The following NAA10 variants were observed in gnomAD, a reference collection of about 807,000 sequenced individuals.
The protein encoded by NAA10 is N-alpha-acetyltransferase 10, NatA catalytic subunit.
Under a neutral mutation model 19.2 loss-of-function variants are expected in NAA10, and 6 were observed. The observed-to-expected ratio is 0.31, with a 90% confidence interval of 0.17 to 0.62. The LOEUF (loss-of-function observed/expected upper bound fraction) is 0.62. Among genes scored for constraint, NAA10 ranks in the 20% least tolerant of loss-of-function variants. The probability of loss-of-function intolerance (pLI) is 0.83; values close to 1 mark genes in which losing one functional copy is unlikely to be tolerated. For synonymous variants in NAA10, 97 were observed against 79.9 expected, an observed-to-expected ratio of 1.21 and a Z score of -1.14; for missense variants, 101 against 198.4, an observed-to-expected ratio of 0.51 and a Z score of 2.95.
intron 6 of NAA10, chrX:153,931,252 G>GGT: frequency 1.1e-6 from 1 of 911,224 alleles, no homozygotes; most frequent in African/African-American, 2.1e-5. Flanking sequence ...ACACTGGGCA[G>GGT]GTGTGTGTGC....
At chrX:153,933,910 G>A (rs1557107832) in intron 3 of NAA10, 33 bp downstream of exon 3, 5 of 1,169,786 alleles carry the variant, frequency 4.3e-6, no homozygotes, top group East Asian at 3.0e-5. Context: ...CACCAGACAC[G>A]TGTAGCTTCT....
Position 153,930,745 on chromosome X carries a change from C to T in NAA10, c.471+18G>A. On this transcript the variant is annotated intron_variant, in intron 7 of 7. Coordinates refer to ENST00000464845, the MANE Select transcript of NAA10 (RefSeq NM_003491.4). ...TGCCGCCCCCGCTCGCCTTGCTTGG[C>T]TTCATGCAGGCGCTTACCTCGTCGG... is the stretch of plus-strand genomic sequence containing the variant. The T allele has an allele frequency of 2.5e-6, 3 of 1,210,334 alleles. No homozygotes were observed. The highest frequency in any genetic ancestry group is 1.8e-5 in the South Asian group (1 of 57,026).
At chrX:153,934,691 ACAG>A in intron 1 of NAA10, 190 bp downstream of exon 1, 2 of 585,041 alleles carry the variant, frequency 3.4e-6, no homozygotes, top group Non-Finnish European at 5.4e-6. Flanking sequence ...CATCACGCAA[ACAG>A]GAGGGAATCG....
intron 1 of NAA10, 58 bp from the exon 2 acceptor site, chrX:153,934,533 G>A: frequency 1.1e-6 from 1 of 931,218 alleles, no homozygotes; most frequent in Non-Finnish European, 1.5e-6. Context: ...GACCACGGGT[G>A]AGAAGCCTGC....
intron 7 of NAA10, chrX:153,930,485 CCTGA>C: frequency 2.2e-6 from 1 of 454,579 alleles, no homozygotes; most frequent in Admixed American, 3.7e-5. Flanking sequence ...TGGGCAGAAC[CCTGA>C]CTCAGAACTA....
At chrX:153,930,738 T>TG in intron 7 of NAA10, 25 bp downstream of exon 7, 1 of 1,208,719 alleles carries the variant, frequency 8.3e-7, no homozygotes, top group East Asian at 3.0e-5. Flanking sequence ...CCGCTCGCCT[T>TG]GCTTGGCTTC....
In NAA10 at chrX:153,931,837, T is replaced by C. The variant is rs1031466967; in HGVS notation, c.386+234A>G. 3.6e-6 allele frequency: 4 copies of C among 1,098,455 alleles called. No homozygotes were observed. In the Admixed American group the frequency reaches 1.0e-4, roughly 27 times the overall value. 90.5% of individuals were successfully genotyped at this position (1,098,455 alleles called of 1,213,427 possible). ...CTCAGCCATCATGGGCCAGAGCTCC[T>C]CCATCACAACACATGGAGCACGTTT... On this transcript the variant is annotated intron_variant, in intron 6 of 7. Coordinates refer to ENST00000464845, the MANE Select transcript of NAA10 (RefSeq NM_003491.4).
rs782477950 is a variant in NAA10 at position 153,930,684 on chromosome X, G to A, written c.471+79C>T. The A allele has an allele frequency of 1.9e-3, 1,984 of 1,040,507 alleles. 5 individuals carry two copies. Among genetic ancestry groups the A allele is most frequent in the Non-Finnish European group, 2.5e-3 (1,849 of 743,963 alleles). 85.7% of individuals were successfully genotyped at this position (1,040,507 alleles called of 1,213,427 possible). A position where few individuals can be genotyped will look rare whatever the true frequency, so the allele number is the denominator to read the frequency against. On this transcript the variant is annotated intron_variant, in intron 7 of 7. Transcript: ENST00000464845. ...GCCACAAGAGCTGGCATCCAAAGTC[G>A]GTCTCGCCTGCAGCCACTGTCTTGG...
rs782148328 is a variant in NAA10 at position 153,932,064 on chromosome X, T to C, written c.386+7A>G. The C allele has an allele frequency of 3.3e-6, 4 of 1,210,436 alleles. No individual in the cohort carries two copies. In the East Asian group the frequency reaches 8.9e-5, roughly 27 times the overall value. ...CCAGCCCATTAGAAAAATCGAGATCTACTTACTGAAAGTTGAGGGTGTTGG... is the reference window on the plus strand; with the variant it reads ...CCAGCCCATTAGAAAAATCGAGATCCACTTACTGAAAGTTGAGGGTGTTGG... On this transcript the variant is annotated splice_region_variant and intron_variant, in intron 6 of 7. Coordinates refer to ENST00000464845, the MANE Select transcript of NAA10 (RefSeq NM_003491.4).
rs782181560 is a variant in NAA10 at position 153,929,949 on chromosome X, G to T, written c.*38C>A. The T allele has an allele frequency of 2.7e-6, 3 of 1,131,331 alleles. No individual in the cohort carries two copies. The highest frequency in any genetic ancestry group is 1.2e-6 in the Non-Finnish European group (1 of 822,910). 93.2% of individuals were successfully genotyped at this position (1,131,331 alleles called of 1,213,427 possible). On this transcript the variant is annotated 3_prime_UTR_variant, in exon 8 of 8. Coordinates refer to ENST00000464845, the MANE Select transcript of NAA10 (RefSeq NM_003491.4). ...CCCAGTGCCACGGAGCGAATTTATT[G>T]TGAAAGCTCGTGGGGTGAGGAGGGG...
intron 7 of NAA10, 150 bp from the exon 8 acceptor site, chrX:153,930,373 T>C (rs2065159690): frequency 1.8e-6 from 1 of 543,223 alleles, no homozygotes. Flanking sequence ...TGGGGACACC[T>C]GGCTGGAGCC....
rs1259823247 is a variant in NAA10, at chrX:153,934,991, G to T, written c.-87C>A. The T allele has an allele frequency of 1.2e-6, 1 of 860,531 alleles. No homozygotes were observed. The highest frequency in any genetic ancestry group is 2.1e-5 in the African/African-American group (1 of 47,034). 70.9% of individuals were successfully genotyped at this position (860,531 alleles called of 1,213,427 possible). A position where few individuals can be genotyped will look rare whatever the true frequency, so the allele number is the denominator to read the frequency against. Reference sequence around the variant, plus strand: ...TCCGAAGCGACGCCGGGACGGCCGGGGCTGGGACCGGAGCTGGGCTCGCTG... The same window carrying T: ...TCCGAAGCGACGCCGGGACGGCCGGTGCTGGGACCGGAGCTGGGCTCGCTG... On this transcript the variant is annotated 5_prime_UTR_variant, in exon 1 of 8. Transcript: ENST00000464845.
intron 6 of NAA10, 147 bp downstream of exon 6, chrX:153,931,924 G>A: frequency 8.5e-7 from 1 of 1,182,404 alleles, no homozygotes; most frequent in Non-Finnish European, 1.1e-6. Flanking sequence ...TGAATGTGGA[G>A]GTATCCTGGC....
In NAA10 at chrX:153,930,831, G is replaced by T; in HGVS notation, c.403C>A (p.Pro135Thr). The T allele has an allele frequency of 8.3e-7, 1 of 1,211,871 alleles. No individual in the cohort carries two copies. Residue 135 changes from proline to threonine, a missense_variant, in exon 7 of 8, where the codon CCC becomes ACC. Transcript: ENST00000464845. ...TCCTCCCCATCTGCATAGTATTTGG[G>T]CTCCACTTCACTGATCCTGGGGGCA... ...TLNFQISEVE[P>T]KYYADGEDAY... is the part of the protein sequence containing the mutation.
In NAA10 at chrX:153,929,980, G is replaced by A; in HGVS notation, c.*7C>T. 1 of 1,195,535 alleles carries A rather than the reference G, an allele frequency of 8.4e-7. No homozygotes were observed. The highest frequency in any genetic ancestry group is 3.0e-5 in the East Asian group (1 of 33,746). On this transcript the variant is annotated 3_prime_UTR_variant, in exon 8 of 8. Coordinates refer to ENST00000464845, the MANE Select transcript of NAA10 (RefSeq NM_003491.4). ...GCTCGTGGGGTGAGGAGGGGATGGG[G>A]CAGGCTCTAGGAGGCTGAGTCGGAG...
chrX:153,934,051 G>C, intron 2 of NAA10, 50 bp from the exon 3 acceptor site: 1 of 1,094,283 alleles, frequency 9.1e-7, no homozygotes, highest in Non-Finnish European at 1.3e-6. Flanking sequence ...AGCTAGAAGA[G>C]CCCTTTAGAG....
At chrX:153,934,697 G>A (rs2065187030) in intron 1 of NAA10, 187 bp downstream of exon 1, 2 of 592,693 alleles carry the variant, frequency 3.4e-6, no homozygotes, top group African/African-American at 2.2e-5. Context: ...GCAAACAGGA[G>A]GGAATCGCAG....
rs1262345237 is a variant in NAA10, at chrX:153,932,439, G to A, written c.226-8C>T. 3 of 1,206,277 alleles carry A rather than the reference G, an allele frequency of 2.5e-6. No individual in the cohort carries two copies. The highest frequency in any genetic ancestry group is 2.2e-5 in the Admixed American group (1 of 46,032). On this transcript the variant is annotated splice_region_variant and splice_polypyrimidine_tract_variant and intron_variant, in intron 4 of 7. Transcript: ENST00000464845. ...GTGGGAACGCTTCACAGCCTGGTGG[G>A]AGAAGAGCAGAGATGGGGTGAGGGA...
At position 153,931,247 on chromosome X, in the gene NAA10, G is replaced by A; in HGVS notation, c.387-400C>T. The A allele has an allele frequency of 6.6e-6, 6 of 913,183 alleles. No individual in the cohort carries two copies. The South Asian group carries it at 1.6e-4, about 24-fold the overall frequency. 75.3% of individuals were successfully genotyped at this position (913,183 alleles called of 1,213,427 possible). On this transcript the variant is annotated intron_variant, in intron 6 of 7. Transcript: ENST00000464845. ...GCAGCTCTGGGGCCGTGACTACACT[G>A]GGCAGGTGTGTGTGCAGACTCGCGT...
Sources: allele counts gnomAD v4.1 joint callset, GRCh38; gene constraint gnomAD v4.1.1; transcripts MANE v1.5; gene names NCBI Gene and HGNC (gene_info 2026-07-23, HGNC 2026-07-21).